Variants in UNC13C observed in about 807,000 individuals in gnomAD.
The protein encoded by UNC13C is unc-13 homolog C, also known as protein unc-13 homolog C.
UNC13C carries 174 observed loss-of-function variants against 245.4 expected under a neutral mutation model. The ratio of observed to expected loss-of-function variants is 0.71; its 90% CI spans 0.63 to 0.80. The LOEUF is 0.80. Among genes scored for constraint, UNC13C ranks in the 30% least tolerant of loss-of-function variants. The pLI, the probability that UNC13C is intolerant of heterozygous loss-of-function variation, is 0.00. For synonymous variants in UNC13C, 992 were observed against 895.1 expected, an observed-to-expected ratio of 1.11 and a Z score of -1.93; for missense variants, 2,829 against 2,602.9, an observed-to-expected ratio of 1.09 and a Z score of -1.89.
chr15:54,427,551 C>G (rs958493937), intron 19 of UNC13C, among the ~76,000 whole-genome samples: 1 of 151,654 alleles, frequency 6.6e-6, no homozygotes, highest in Non-Finnish European at 1.5e-5. Flanking sequence ...TTGAAAAATA[C>G]AAAGCACAAA....
At chr15:54,123,611 T>C (rs2030829854) in intron 2 of UNC13C, among the ~76,000 whole-genome samples, 1 of 152,120 alleles carries the variant, frequency 6.6e-6, no homozygotes, top group Admixed American at 6.5e-5. Flanking sequence ...CATAGGAAGT[T>C]ATAGAGATAG....
intron 19 of UNC13C, among the ~76,000 whole-genome samples, chr15:54,431,717 G>T (rs77613440): frequency 0.021 from 3,197 of 151,658 alleles, 46 homozygotes; most frequent in Middle Eastern, 0.092. Context: ...AATCATATGT[G>T]CAATAAGCAC....
chr15:54,109,378 G>T, intron 2 of UNC13C, among the ~76,000 whole-genome samples: 1 of 116,618 alleles, frequency 8.6e-6, no homozygotes, highest in African/African-American at 3.3e-5. Flanking sequence ...GTCTTGCTCT[G>T]TCGCCCAGGC....
chr15:54,512,691 C>T (rs1406261065), intron 24 of UNC13C, among the ~76,000 whole-genome samples: 1 of 152,182 alleles, frequency 6.6e-6, no homozygotes, highest in Non-Finnish European at 1.5e-5. Context: ...TAGATATATA[C>T]TTCTGTTTAA....
chr15:54,476,915 T>C (rs1196802020), intron 19 of UNC13C, among the ~76,000 whole-genome samples: 2 of 150,594 alleles, frequency 1.3e-5, no homozygotes, highest in Non-Finnish European at 3.0e-5. Flanking sequence ...GCCATTTTCA[T>C]GATATTGATT....
At chr15:54,620,413 T>C (rs987142751) in intron 30 of UNC13C, among the ~76,000 whole-genome samples, 3 of 152,176 alleles carry the variant, frequency 2.0e-5, no homozygotes, top group African/African-American at 7.2e-5. Flanking sequence ...AGCATAAGTC[T>C]TCCTTCATAA....
chr15:54,245,347 G>T (rs74013530), intron 7 of UNC13C, among the ~76,000 whole-genome samples: 1 of 151,988 alleles, frequency 6.6e-6, no homozygotes, highest in African/African-American at 2.4e-5. Context: ...AATCATCTAC[G>T]TTATTGTTCT....
intron 20 of UNC13C, among the ~76,000 whole-genome samples, chr15:54,495,493 G>A (rs376245416): frequency 1.3e-5 from 2 of 152,022 alleles, no homozygotes; most frequent in East Asian, 3.9e-4. Flanking sequence ...ATTTATAGAT[G>A]GGATAGCATT....
intron 4 of UNC13C, among the ~76,000 whole-genome samples, chr15:54,206,997 G>A (rs1051229678): frequency 2.0e-5 from 3 of 152,036 alleles, no homozygotes; most frequent in Non-Finnish European, 4.4e-5. Flanking sequence ...GGTACCCTAA[G>A]TAGCAAAAAT....
chr15:54,016,948 C>T (rs1486207610), intron 2 of UNC13C, among the ~76,000 whole-genome samples: 1 of 152,184 alleles, frequency 6.6e-6, no homozygotes, highest in Non-Finnish European at 1.5e-5. Flanking sequence ...ATAATATCTG[C>T]AGCCAGTAGC....
chr15:54,049,089 T>C (rs1401838787), intron 2 of UNC13C: 3 of 375,436 alleles, frequency 8.0e-6, no homozygotes, highest in African/African-American at 2.1e-5. Context: ...TTTTCTATCA[T>C]TGGTAAGTCC....
At chr15:54,382,322 A>G (rs1380376946) in intron 17 of UNC13C, among the ~76,000 whole-genome samples, 9 of 152,150 alleles carry the variant, frequency 5.9e-5, no homozygotes, top group African/African-American at 2.2e-4. Flanking sequence ...GCTCACTCCT[A>G]TAGTCCCCAC....
At chr15:54,417,548 G>T (rs2040547681) in intron 19 of UNC13C, among the ~76,000 whole-genome samples, 4 of 152,014 alleles carry the variant, frequency 2.6e-5, no homozygotes, top group Admixed American at 6.6e-5. Flanking sequence ...TTTAACTGGG[G>T]ACTTGGGTAC....
intron 4 of UNC13C, among the ~76,000 whole-genome samples, chr15:54,214,889 A>C (rs150985947): frequency 1.6e-4 from 25 of 151,954 alleles, no homozygotes; most frequent in African/African-American, 6.0e-4. Flanking sequence ...TAGATGTTTA[A>C]AAGCTAACAC....
At chr15:53,857,348 G>A in the UNC13C span, among the ~76,000 whole-genome samples, 1 of 152,076 alleles carries the variant, frequency 6.6e-6, no homozygotes, top group Non-Finnish European at 1.5e-5. Context: ...CAAAATAAAT[G>A]AGTGAATTTT....
chr15:54,498,512 A>G (rs1894053464), intron 20 of UNC13C, among the ~76,000 whole-genome samples: 1 of 152,154 alleles, frequency 6.6e-6, no homozygotes, highest in African/African-American at 2.4e-5. Context: ...CCAATTTTGT[A>G]GAATGCAGCT....
intron 19 of UNC13C, among the ~76,000 whole-genome samples, chr15:54,467,348 A>T (rs1892230872): frequency 6.6e-6 from 1 of 151,784 alleles, no homozygotes; most frequent in Admixed American, 6.6e-5. Context: ...AAAGCAAAAA[A>T]GTACACAAAC....
Position 54,248,998 on chromosome 15 carries a change from A to G in UNC13C, c.3229-1227A>G, listed in dbSNP as rs540467499. Among the ~76,000 whole-genome samples, 13 of 152,340 alleles carry G rather than the reference A, an allele frequency of 8.5e-5. No individual in the cohort carries two copies. The South Asian group carries it at 2.7e-3, about 32-fold the overall frequency. On this transcript the variant is annotated intron_variant, in intron 7 of 32. Transcript: ENST00000260323. ...GATTTAAGGATAATTAATTCAAAAT[A>G]TAAATGCTTCCCTTCTAGTATGACT...
At chr15:54,487,413 C>G (rs6493686) in intron 19 of UNC13C, among the ~76,000 whole-genome samples, 15,770 of 151,808 alleles carry the variant, frequency 0.1, 1,176 homozygotes, top group African/African-American at 0.21. Context: ...TATCTTTTTT[C>G]TTACCCTACA....
Sources: allele counts gnomAD v4.1 joint callset (sites outside exome capture counted in the v4.1 genomes callset), GRCh38; gene constraint gnomAD v4.1.1; transcripts MANE v1.5; gene names NCBI Gene and HGNC (gene_info 2026-07-23, HGNC 2026-07-21).